SGCG: variants seen among roughly 807,000 people sequenced by gnomAD.
SGCG encodes gamma-sarcoglycan.
SGCG carries 26 observed loss-of-function variants against 29.3 expected under a neutral mutation model. The observed-to-expected ratio is 0.89, with a 90% confidence interval of 0.65 to 1.23. The LOEUF is 1.23. SGCG is among the 50% of genes most tolerant of loss of function. The pLI is 0.00. For missense variants in SGCG, 353 were observed against 356.0 expected (o/e 0.99, Z 0.07); for synonymous variants, 145 against 129.7 (o/e 1.12, Z -0.80).
intron 2 of SGCG, among the ~76,000 whole-genome samples, chr13:23,220,373 C>T (rs1357700671): frequency 1.3e-5 from 2 of 152,120 alleles, no homozygotes; most frequent in Non-Finnish European, 2.9e-5. Context: ...TTGCCTGAGC[C>T]AGGGAGGAGG....
intron 2 of SGCG, among the ~76,000 whole-genome samples, chr13:23,225,540 T>G (rs928144366): frequency 6.6e-6 from 1 of 152,186 alleles, no homozygotes; most frequent in Non-Finnish European, 1.5e-5. Flanking sequence ...TTCTCTGATT[T>G]GGCTTGTGGG....
At chr13:23,233,878 A>G (rs1442125455) in intron 2 of SGCG, among the ~76,000 whole-genome samples, 8 of 152,154 alleles carry the variant, frequency 5.3e-5, no homozygotes, top group Non-Finnish European at 1.2e-4. Flanking sequence ...TGCAGGTGGG[A>G]GGAAACTAAA....
chr13:23,232,201 T>G (rs1238715362), intron 2 of SGCG, among the ~76,000 whole-genome samples: 1 of 151,930 alleles, frequency 6.6e-6, no homozygotes, highest in East Asian at 1.9e-4. Context: ...GGCTTCCACA[T>G]GCACACTGCT....
intron 4 of SGCG, among the ~76,000 whole-genome samples, chr13:23,275,736 C>T (rs1487768123): frequency 1.3e-5 from 2 of 152,114 alleles, no homozygotes; most frequent in Non-Finnish European, 2.9e-5. Flanking sequence ...CTGTATAATA[C>T]AAGATTTTGC....
intron 4 of SGCG, among the ~76,000 whole-genome samples, chr13:23,266,868 C>T (rs1180592749): frequency 6.6e-6 from 1 of 152,214 alleles, no homozygotes; most frequent in Admixed American, 6.5e-5. Context: ...GTACACCCTG[C>T]AGAACCATGA....
chr13:23,321,724 T>C (rs1266214033), intron 7 of SGCG, among the ~76,000 whole-genome samples: 1 of 151,984 alleles, frequency 6.6e-6, no homozygotes, highest in African/African-American at 2.4e-5. Context: ...TTCTGGAATT[T>C]TCCATTTAAT....
chr13:23,305,008 CACACACA>C (rs1241776906), intron 6 of SGCG, among the ~76,000 whole-genome samples: 1 of 151,870 alleles, frequency 6.6e-6, no homozygotes, highest in Non-Finnish European at 1.5e-5. Context: ...CACACACACA[CACACACA>C]AGACTTTGTA....
intron 6 of SGCG, among the ~76,000 whole-genome samples, chr13:23,301,605 G>A (rs1356332366): frequency 2.0e-5 from 3 of 152,174 alleles, no homozygotes; most frequent in Admixed American, 2.0e-4. Context: ...GAATCAATGG[G>A]GTCCGGCGCG....
the SGCG span, among the ~76,000 whole-genome samples, chr13:23,171,514 C>T: frequency 6.6e-6 from 1 of 152,150 alleles, no homozygotes; most frequent in East Asian, 1.9e-4. Context: ...AGGATATCAG[C>T]CAAGCTGTCA....
upstream of SGCG, among the ~76,000 whole-genome samples, chr13:23,179,872 T>C (rs148311118): frequency 2.5e-3 from 381 of 152,290 alleles, no homozygotes; most frequent in African/African-American, 8.7e-3. Flanking sequence ...ATTGCTCCTT[T>C]TTTTCTTCAT....
intron 2 of SGCG, among the ~76,000 whole-genome samples, chr13:23,204,580 CTCTTTCTTT>C (rs71668291): frequency 0.66 from 87,204 of 131,614 alleles, 26,278 homozygotes; most frequent in East Asian, 0.91. Context: ...TATGCACAGG[CTCTTTCTTT>C]TCTTTCTTTT....
intron 2 of SGCG, among the ~76,000 whole-genome samples, chr13:23,207,230 T>C (rs780258168): frequency 3.6e-4 from 55 of 152,180 alleles, no homozygotes; most frequent in Non-Finnish European, 1.3e-4. Flanking sequence ...AGATAGTCTG[T>C]TCAACAGATG....
rs1879238876 is a variant in SGCG, at chr13:23,234,611, G to T, written c.196G>T (p.Ala66Ser). ...WILKVMWFSP[A>S]GMGHLCVTKD... is the part of the protein sequence containing the mutation. ...ATTGTCTCTTTTTTTTTTTTAACAG[G>T]CAGGAATGGGCCACTTGTGTGTAAC... Residue 66 changes from alanine to serine, a missense_variant and splice_region_variant, in exon 3 of 8, where the codon GCA becomes TCA. Coordinates refer to ENST00000218867, the MANE Select transcript of SGCG (RefSeq NM_000231.3). 6.3e-7 allele frequency: 1 copy of T among 1,599,954 alleles called. No homozygotes were observed. The highest frequency in any genetic ancestry group is 1.7e-5 in the Admixed American group (1 of 59,588).
intron 4 of SGCG, among the ~76,000 whole-genome samples, chr13:23,260,891 C>G (rs1001675337): frequency 2.6e-5 from 4 of 152,164 alleles, no homozygotes; most frequent in African/African-American, 9.7e-5. Flanking sequence ...TGTAGACTTT[C>G]TGCCAAGAGA....
At chr13:23,207,082 C>T (rs61948483) in intron 2 of SGCG, among the ~76,000 whole-genome samples, 2 of 152,064 alleles carry the variant, frequency 1.3e-5, no homozygotes, top group East Asian at 1.9e-4. Context: ...TCAAAGCTAT[C>T]GTAATTTAAA....
chr13:23,263,005 G>A (rs1465122642), intron 4 of SGCG, among the ~76,000 whole-genome samples: 1 of 152,010 alleles, frequency 6.6e-6, no homozygotes, highest in African/African-American at 2.4e-5. Flanking sequence ...AGCAAAAGCA[G>A]TACTAAGAGG....
At chr13:23,319,386 T>A (rs1882951487) in intron 6 of SGCG, among the ~76,000 whole-genome samples, 1 of 152,118 alleles carries the variant, frequency 6.6e-6, no homozygotes, top group Non-Finnish European at 1.5e-5. Flanking sequence ...CAGCCTAACT[T>A]GACCAATAAA....
chr13:23,231,181 G>A (rs932625715), intron 2 of SGCG, among the ~76,000 whole-genome samples: 10 of 152,062 alleles, frequency 6.6e-5, no homozygotes, highest in African/African-American at 9.7e-5. Context: ...TGCTGGAGTC[G>A]ATTTGCTAGT....
intron 6 of SGCG, among the ~76,000 whole-genome samples, chr13:23,310,212 A>G (rs4769257): frequency 0.3 from 45,476 of 149,760 alleles, 7,881 homozygotes; most frequent in Non-Finnish European, 0.38. Flanking sequence ...TCAGCCTCCC[A>G]AGTAGCTGGG....
Sources: gnomAD v4.1 joint callset for allele counts (sites outside exome capture counted in the v4.1 genomes callset) on GRCh38, gnomAD v4.1.1 for gene constraint, MANE v1.5 for transcripts, NCBI Gene and HGNC (gene_info 2026-07-23, HGNC 2026-07-21) for gene names.